BAAT: variants seen among roughly 807,000 people sequenced by gnomAD.
The protein encoded by BAAT is bile acid-CoA:amino acid N-acyltransferase.
In BAAT, 13 loss-of-function variants were observed where a neutral mutation model predicts 18.9. The ratio of observed to expected loss-of-function variants is 0.69; its 90% CI spans 0.45 to 1.10. The LOEUF is 1.10. Ranked by LOEUF, BAAT falls within the 50% of genes least tolerant of loss-of-function variation. The probability of loss-of-function intolerance (pLI) is 0.00; values close to 1 mark genes in which losing one functional copy is unlikely to be tolerated. For synonymous variants in BAAT, 170 were observed against 190.7 expected, an observed-to-expected ratio of 0.89 and a Z score of 0.89; for missense variants, 489 against 504.0, an observed-to-expected ratio of 0.97 and a Z score of 0.28.
intron 3 of BAAT, among the ~76,000 whole-genome samples, chr9:101,365,437 C>T (rs1829809958): frequency 6.6e-6 from 1 of 151,842 alleles, no homozygotes; most frequent in Admixed American, 6.6e-5. Flanking sequence ...CTATTTCCTA[C>T]CCTGTATATT....
chr9:101,362,097 A>G lies in BAAT; in HGVS notation c.*331T>C, dbSNP rs534868465. On this transcript the variant is annotated 3_prime_UTR_variant, in exon 4 of 4. Transcript: ENST00000259407. ...TTTCTGACATGGTATTTGGTTTTAT[A>G]TCTGTTACTTTGGTGCTATTCTTGT... The G allele has an allele frequency of 2.6e-6, 1 of 388,074 alleles. No individual in the cohort carries two copies. Among genetic ancestry groups the G allele is most frequent in the African/African-American group, 2.0e-5 (1 of 48,956 alleles). The allele number at this position is 388,074 out of a possible 1,614,324, so 24.0% of individuals were successfully genotyped here. A position where few individuals can be genotyped will look rare whatever the true frequency, so the allele number is the denominator to read the frequency against.
chr9:101,371,401 T>C lies in BAAT; in HGVS notation c.4A>G (p.Ile2Val). Reference protein sequence around the residue: MIQLTATPVSAL... With the variant: MVQLTATPVSAL... ...CTCACAGGGGTAGCTGTCAACTGGA[T>C]CATTTTTTTAGTGTGGCACCTGGGA... Residue 2 changes from isoleucine (I) to valine (V), a missense_variant, in exon 2 of 4, where the codon ATC becomes GTC. Coordinates refer to ENST00000259407, the MANE Select transcript of BAAT (RefSeq NM_001701.4). The C allele has an allele frequency of 1.2e-6, 2 of 1,608,770 alleles. No individual in the cohort carries two copies. The highest frequency in any genetic ancestry group is 1.7e-6 in the Non-Finnish European group (2 of 1,179,922).
chr9:101,366,954 A>C (rs1829839741), intron 3 of BAAT, among the ~76,000 whole-genome samples: 2 of 151,916 alleles, frequency 1.3e-5, no homozygotes, highest in Admixed American at 1.3e-4. Flanking sequence ...TCTACTAAAA[A>C]TACAAAAATT....
Position 101,374,840 on chromosome 9 carries a change from TAAAAAA to T in BAAT, c.-59-3383_-59-3378del, listed in dbSNP as rs574393482. On this transcript the variant is annotated intron_variant, in intron 1 of 3. Coordinates refer to ENST00000259407, the MANE Select transcript of BAAT (RefSeq NM_001701.4). ...GGCATTATATCATACCTGCTTTATT[TAAAAAA>T]AAAAACCTTCAGAAATAAAAATGAG... Among the ~76,000 whole-genome samples the T allele has an allele frequency of 1.8e-4, 27 of 147,040 alleles. 1 individual carries two copies. The highest frequency in any genetic ancestry group is 1.6e-3 in the Admixed American group (23 of 14,700).
At chr9:101,373,945 A>G in intron 1 of BAAT, among the ~76,000 whole-genome samples, 1 of 152,254 alleles carries the variant, frequency 6.6e-6, no homozygotes, top group East Asian at 1.9e-4. Flanking sequence ...TGTGACATAT[A>G]CAAGTATATT....
intron 1 of BAAT, among the ~76,000 whole-genome samples, chr9:101,382,514 T>C (rs1311416224): frequency 6.6e-6 from 1 of 152,192 alleles, no homozygotes; most frequent in African/African-American, 2.4e-5. Flanking sequence ...TATAAAATCC[T>C]AGGTTCAAGG....
At chr9:101,382,497 G>A (rs1305927797) in intron 1 of BAAT, among the ~76,000 whole-genome samples, 2 of 152,096 alleles carry the variant, frequency 1.3e-5, no homozygotes, top group African/African-American at 4.8e-5. Context: ...CCAGAAGTAG[G>A]CCAGCATATA....
At chr9:101,373,174 C>T (rs1030556811) in intron 1 of BAAT, among the ~76,000 whole-genome samples, 3 of 152,006 alleles carry the variant, frequency 2.0e-5, no homozygotes, top group Non-Finnish European at 4.4e-5. Flanking sequence ...AAATAAGCTA[C>T]CAGTAATTCT....
chr9:101,369,562 A>T (rs1044591117), intron 2 of BAAT, among the ~76,000 whole-genome samples: 1 of 152,158 alleles, frequency 6.6e-6, no homozygotes, highest in Non-Finnish European at 1.5e-5. Flanking sequence ...GGATTCACAA[A>T]CAGCACACCC....
At position 101,371,394 on chromosome 9, in the gene BAAT, A is replaced by C. The variant is rs1469021048; in HGVS notation, c.11T>G (p.Leu4Trp). ...AAGTGCACTCACAGGGGTAGCTGTC[A>C]ACTGGATCATTTTTTTAGTGTGGCA... MIQ[L>W]TATPVSALVD... is the part of the protein sequence containing the mutation. Residue 4 changes from leucine (L) to tryptophan (W), a missense_variant, in exon 2 of 4, where the codon TTG becomes TGG. Coordinates refer to ENST00000259407, the MANE Select transcript of BAAT (RefSeq NM_001701.4). 3 of 1,610,020 alleles carry C rather than the reference A, an allele frequency of 1.9e-6. No homozygotes were observed. The highest frequency in any genetic ancestry group is 2.5e-6 in the Non-Finnish European group (3 of 1,179,968).
intron 1 of BAAT, among the ~76,000 whole-genome samples, chr9:101,377,511 A>C (rs1830066703): frequency 6.6e-6 from 1 of 152,226 alleles, no homozygotes; most frequent in African/African-American, 2.4e-5. Context: ...AGAGCATAAA[A>C]TATAAGGATT....
At chr9:101,381,936 A>G (rs1830140374) in intron 1 of BAAT, among the ~76,000 whole-genome samples, 1 of 152,236 alleles carries the variant, frequency 6.6e-6, no homozygotes, top group Non-Finnish European at 1.5e-5. Flanking sequence ...TGGAATCTAC[A>G]TTTCCAACTC....
chr9:101,365,004 T>C (rs1340498366), intron 3 of BAAT, among the ~76,000 whole-genome samples: 2 of 152,194 alleles, frequency 1.3e-5, no homozygotes, highest in African/African-American at 4.8e-5. Context: ...AATTATACTG[T>C]CCTGAACTAA....
At chr9:101,367,672 GAA>G (rs1829853733) in intron 3 of BAAT, among the ~76,000 whole-genome samples, 1 of 151,990 alleles carries the variant, frequency 6.6e-6, no homozygotes, top group South Asian at 2.1e-4. Context: ...TATTTATAGA[GAA>G]AGAGTTTGGC....
chr9:101,371,978 G>A (rs1829955499), intron 1 of BAAT, among the ~76,000 whole-genome samples: 1 of 152,062 alleles, frequency 6.6e-6, no homozygotes, highest in Non-Finnish European at 1.5e-5. Context: ...ATACAGCCAT[G>A]AAAAAATGAA....
chr9:101,365,407 G>C (rs1435485592), intron 3 of BAAT, among the ~76,000 whole-genome samples: 1 of 151,944 alleles, frequency 6.6e-6, no homozygotes, highest in Admixed American at 6.6e-5. Flanking sequence ...TAAACAAATG[G>C]AATGAGTCAT....
chr9:101,364,150 T>C (rs973313852), intron 3 of BAAT, among the ~76,000 whole-genome samples: 2 of 152,194 alleles, frequency 1.3e-5, no homozygotes, highest in African/African-American at 4.8e-5. Flanking sequence ...GGCATAGCAA[T>C]ATATCCAGCC....
chr9:101,374,244 T>G (rs1270066532), intron 1 of BAAT, among the ~76,000 whole-genome samples: 2 of 152,204 alleles, frequency 1.3e-5, no homozygotes, highest in Admixed American at 6.5e-5. Flanking sequence ...CTACTTGCTC[T>G]CATGCTTTCA....
intron 3 of BAAT, among the ~76,000 whole-genome samples, chr9:101,363,469 C>G (rs954035283): frequency 6.6e-6 from 1 of 152,048 alleles, no homozygotes; most frequent in Non-Finnish European, 1.5e-5. Context: ...CAAAAGTTTT[C>G]TCATTGTGGA....
Sources: allele counts gnomAD v4.1 joint callset (sites outside exome capture counted in the v4.1 genomes callset), GRCh38; gene constraint gnomAD v4.1.1; transcripts MANE v1.5; gene names NCBI Gene and HGNC (gene_info 2026-07-23, HGNC 2026-07-21).